NFAT5: variants seen among roughly 807,000 people sequenced by gnomAD.
The protein encoded by NFAT5 is nuclear factor of activated T cells 5.
NFAT5 carries 31 observed loss-of-function variants against 166.5 expected under a neutral mutation model. The ratio of observed to expected loss-of-function variants is 0.19; its 90% CI spans 0.14 to 0.25. The LOEUF is 0.25. Among genes scored for constraint, NFAT5 ranks in the 10% least tolerant of loss-of-function variants. The probability of loss-of-function intolerance (pLI) is 1.00; values close to 1 mark genes in which losing one functional copy is unlikely to be tolerated. For missense variants in NFAT5, 1,449 were observed against 1,821.8 expected (o/e 0.80, Z 3.72); for synonymous variants, 612 against 639.7 (o/e 0.96, Z 0.65).
At chr16:69,610,418 T>C (rs1376318840) in intron 2 of NFAT5, among the ~76,000 whole-genome samples, 1 of 152,198 alleles carries the variant, frequency 6.6e-6, no homozygotes, top group Non-Finnish European at 1.5e-5. Flanking sequence ...TTAGAATTGT[T>C]TGGGTAGAAT....
intron 3 of NFAT5, among the ~76,000 whole-genome samples, chr16:69,645,285 G>A (rs181398053): frequency 6.6e-6 from 1 of 152,236 alleles, no homozygotes; most frequent in African/African-American, 2.4e-5. Flanking sequence ...AAATTGGAAT[G>A]CAGTTTAAAG....
At chr16:69,625,473 C>T (rs2151579058) in intron 2 of NFAT5, among the ~76,000 whole-genome samples, 1 of 151,196 alleles carries the variant, frequency 6.6e-6, no homozygotes, top group Admixed American at 6.6e-5. Context: ...TTACCTTTGC[C>T]TTTCCAGGGT....
chr16:69,700,721 G>C lies in NFAT5; in HGVS notation c.*4370G>C, dbSNP rs1052716730. On this transcript the variant is annotated 3_prime_UTR_variant, in exon 15 of 15. Coordinates refer to ENST00000349945, the MANE Select transcript of NFAT5 (RefSeq NM_138713.4). ...CTGCATGCCTTAGACTGTGTGGAGG[G>C]ACTCCATGAAGAAAGACCATAGGTT... 6.6e-6 allele frequency: 1 copy of C among 152,014 alleles called. No homozygotes were observed. The highest frequency in any genetic ancestry group is 1.5e-5 in the Non-Finnish European group (1 of 68,028). 9.4% of individuals were successfully genotyped at this position (152,014 alleles called of 1,614,324 possible).
chr16:69,680,964 T>C (rs1387715966), intron 10 of NFAT5, among the ~76,000 whole-genome samples: 1 of 152,180 alleles, frequency 6.6e-6, no homozygotes, highest in Non-Finnish European at 1.5e-5. Flanking sequence ...TTCACCATGT[T>C]GGCCAGGCTG....
chr16:69,587,944 CTTTTTTTTTT>C (rs61460423), intron 2 of NFAT5, among the ~76,000 whole-genome samples: 1 of 68,232 alleles, frequency 1.5e-5, no homozygotes, highest in South Asian at 5.6e-4. Flanking sequence ...ATAGTGCTTT[CTTTTTTTTTT>C]TTTTTTTTTT....
At position 69,617,172 on chromosome 16, in the gene NFAT5, G is replaced by A. The variant is rs549731656; in HGVS notation, c.128-9231G>A. Among the ~76,000 whole-genome samples, 7 of 152,104 alleles carry A rather than the reference G, an allele frequency of 4.6e-5. No homozygotes were observed. In the South Asian group the frequency reaches 1.5e-3, roughly 32 times the overall value. ...TTAGCCAGGATGGTCTCGATCTCCT[G>A]ACCTTGTGATCCGCCCGCCTCGGCC... On this transcript the variant is annotated intron_variant, in intron 2 of 14. Transcript: ENST00000349945.
At chr16:69,640,571 C>T (rs1476233595) in intron 3 of NFAT5, among the ~76,000 whole-genome samples, 1 of 152,152 alleles carries the variant, frequency 6.6e-6, no homozygotes, top group Non-Finnish European at 1.5e-5. Context: ...AAAATATGTC[C>T]TTGTATCTGG....
chr16:69,637,617 G>C (rs2035023052), intron 3 of NFAT5, among the ~76,000 whole-genome samples: 2 of 152,168 alleles, frequency 1.3e-5, no homozygotes. Context: ...ATCAGATCTT[G>C]TGAGACTTAT....
intron 2 of NFAT5, among the ~76,000 whole-genome samples, chr16:69,594,353 ACACGTGG>A (rs1200430367): frequency 6.6e-6 from 1 of 152,234 alleles, no homozygotes; most frequent in Non-Finnish European, 1.5e-5. Context: ...AGACGAGGTA[ACACGTGG>A]CATGACATCA....
At chr16:69,624,170 G>A (rs2034336538) in intron 2 of NFAT5, among the ~76,000 whole-genome samples, 1 of 152,092 alleles carries the variant, frequency 6.6e-6, no homozygotes, top group Admixed American at 6.6e-5. Flanking sequence ...CAAGCATTAG[G>A]TAACAACATT....
At chr16:69,599,156 A>G (rs2032983493) in intron 2 of NFAT5, among the ~76,000 whole-genome samples, 1 of 151,922 alleles carries the variant, frequency 6.6e-6, no homozygotes, top group South Asian at 2.1e-4. Context: ...TTCTTTTTTG[A>G]GGTGATGAAA....
intron 2 of NFAT5, among the ~76,000 whole-genome samples, chr16:69,606,617 G>A (rs568757099): frequency 6.6e-6 from 1 of 152,278 alleles, no homozygotes; most frequent in African/African-American, 2.4e-5. Context: ...CACTTTGGGA[G>A]GCCGAGGCAG....
At chr16:69,671,721 A>G (rs2036628465) in intron 9 of NFAT5, among the ~76,000 whole-genome samples, 1 of 152,224 alleles carries the variant, frequency 6.6e-6, no homozygotes, top group South Asian at 2.1e-4. Flanking sequence ...AGCTAAAGGG[A>G]GAGATGCATA....
Position 69,692,799 on chromosome 16 carries a change from G to A in NFAT5, c.2974G>A (p.Val992Ile). 6.2e-7 allele frequency: 1 copy of A among 1,614,218 alleles called. No individual in the cohort carries two copies. Among genetic ancestry groups the A allele is most frequent in the Non-Finnish European group, 8.5e-7 (1 of 1,180,034 alleles). ...AACTTCTACAACTACCACACAGCAG[G>A]TTGCAACCCCTGGCACTACCATGTT... is the stretch of plus-strand genomic sequence containing the variant. ...NETSTTTTQQ[V>I]ATPGTTMFQT... is the part of the protein sequence containing the mutation. Residue 992 changes from valine (V) to isoleucine (I), a missense_variant, in exon 13 of 15, where the codon GTT becomes ATT. Val to Ile is a conservative substitution (Grantham distance 29). Coordinates refer to ENST00000349945, the MANE Select transcript of NFAT5 (RefSeq NM_138713.4).
intron 9 of NFAT5, 51 bp downstream of exon 9, chr16:69,670,339 C>A: frequency 1.7e-6 from 2 of 1,181,788 alleles, no homozygotes; most frequent in Non-Finnish European, 2.4e-6. Context: ...CTGAGCAATT[C>A]AGTTTTGTTT....
chr16:69,633,965 TA>T (rs1030725949), intron 3 of NFAT5, among the ~76,000 whole-genome samples: 1 of 151,884 alleles, frequency 6.6e-6, no homozygotes, highest in African/African-American at 2.4e-5. Flanking sequence ...ATTTGTTAAT[TA>T]AAAAAATAAA....
At chr16:69,678,687 C>A (rs1479469246) in intron 10 of NFAT5, among the ~76,000 whole-genome samples, 1 of 152,162 alleles carries the variant, frequency 6.6e-6, no homozygotes, top group African/African-American at 2.4e-5. Context: ...TGGCTTCTGC[C>A]ATGTTTACCA....
chr16:69,670,390 A>G (rs918266682), intron 9 of NFAT5, 102 bp downstream of exon 9: 11 of 698,670 alleles, frequency 1.6e-5, no homozygotes, highest in African/African-American at 7.5e-5. Flanking sequence ...TCTTCTTCCT[A>G]TGGGATTGAT....
rs1307707953 is a variant in NFAT5 at position 69,647,142 on chromosome 16, T to C, written c.368T>C (p.Val123Ala). The C allele has an allele frequency of 6.2e-7, 1 of 1,614,114 alleles. No individual in the cohort carries two copies. Among genetic ancestry groups the C allele is most frequent in the Non-Finnish European group, 8.5e-7 (1 of 1,179,978 alleles). Residue 123 changes from valine to alanine, a missense_variant, in exon 4 of 15, where the codon GTG (valine) becomes GCG (alanine). Physicochemically the swap from Val to Ala is moderately conservative, Grantham distance 64 (BLOSUM62 0). This residue lies in a region of NFAT5 where 172 missense variants were observed against 194.5 expected (regional missense o/e 0.88). Coordinates refer to ENST00000349945, the MANE Select transcript of NFAT5 (RefSeq NM_138713.4). This position sits in a 1 kb window ranked among gnomAD's most constrained non-coding sequence, Gnocchi z 4.8. ...GTCACCGACAGCAAGGCTATGCAAG[T>C]GGAGAGCTGCTCCTCAGCCGTGGGG... ...TSVTDSKAMQVESCSSAVGVS... is the reference protein window; with the variant it reads ...TSVTDSKAMQAESCSSAVGVS...
Sources: allele counts gnomAD v4.1 joint callset (sites outside exome capture counted in the v4.1 genomes callset), GRCh38; gene constraint gnomAD v4.1.1; regional missense constraint gnomAD v4.1.1; non-coding constraint Gnocchi (gnomAD v3.1); transcripts MANE v1.5; gene names NCBI Gene and HGNC (gene_info 2026-07-23, HGNC 2026-07-21).